Variants in FRMD6 observed in about 807,000 individuals in gnomAD.
FRMD6 encodes FERM domain containing 6, also known as FERM domain-containing protein 6.
Under a neutral mutation model 73.2 loss-of-function variants are expected in FRMD6, and 37 were observed. The ratio of observed to expected loss-of-function variants is 0.51; its 90% CI spans 0.39 to 0.66. The LOEUF (loss-of-function observed/expected upper bound fraction) is 0.66. Ranked by LOEUF, FRMD6 falls within the 30% of genes least tolerant of loss-of-function variation. FRMD6 has a pLI of 0.00. For missense variants in FRMD6, 714 were observed against 780.5 expected, an observed-to-expected ratio of 0.91 and a Z score of 1.02; for synonymous variants, 273 against 282.2, an observed-to-expected ratio of 0.97 and a Z score of 0.33.
chr14:51,592,177 G>A (rs1293840417), intron 2 of FRMD6, among the ~76,000 whole-genome samples: 3 of 152,176 alleles, frequency 2.0e-5, no homozygotes, highest in African/African-American at 7.2e-5. Flanking sequence ...TGTGATCAGA[G>A]AGGAAATTGT....
intron 1 of FRMD6, among the ~76,000 whole-genome samples, chr14:51,543,528 C>G (rs1469124666): frequency 6.6e-6 from 1 of 151,944 alleles, no homozygotes; most frequent in Non-Finnish European, 1.5e-5. Flanking sequence ...CTTTGCTCAT[C>G]AAAAATTTAT....
chr14:51,548,176 T>C (rs1173092583), intron 1 of FRMD6, among the ~76,000 whole-genome samples: 1 of 152,124 alleles, frequency 6.6e-6, no homozygotes, highest in Non-Finnish European at 1.5e-5. Flanking sequence ...GCTAAACAAC[T>C]GTGGCACCAA....
chr14:51,537,820 G>A (rs1478401999), intron 1 of FRMD6, among the ~76,000 whole-genome samples: 1 of 152,098 alleles, frequency 6.6e-6, no homozygotes, highest in East Asian at 1.9e-4. Flanking sequence ...TTGGTGTGGT[G>A]TCTCTTCATC....
chr14:51,705,781 A>G (rs1299449586), intron 6 of FRMD6, among the ~76,000 whole-genome samples: 2 of 152,076 alleles, frequency 1.3e-5, no homozygotes, highest in Non-Finnish European at 2.9e-5. Context: ...CTTTATATCA[A>G]TACAGTAAAG....
At chr14:51,672,056 C>G (rs921596492) in intron 1 of FRMD6, among the ~76,000 whole-genome samples, 40 of 152,186 alleles carry the variant, frequency 2.6e-4, no homozygotes, top group African/African-American at 9.4e-4. Context: ...TGAAGCATTT[C>G]TTCAAAGAAT....
the FRMD6 span, chr14:51,454,891 G>A: frequency 6.6e-6 from 1 of 152,148 alleles, no homozygotes; most frequent in Non-Finnish European, 1.5e-5. Context: ...AGGATCTAAT[G>A]GCACAGGATT....
intron 1 of FRMD6, among the ~76,000 whole-genome samples, chr14:51,539,426 A>G (rs2139360772): frequency 6.6e-6 from 1 of 152,234 alleles, no homozygotes; most frequent in Admixed American, 6.5e-5. Flanking sequence ...TCTCATTATT[A>G]TATTTTTCAA....
At chr14:51,423,059 C>T in the FRMD6 span, among the ~76,000 whole-genome samples, 1 of 152,190 alleles carries the variant, frequency 6.6e-6, no homozygotes, top group African/African-American at 2.4e-5. Flanking sequence ...AGTGGTACGG[C>T]AAGCTGACTT....
chr14:51,546,744 C>G (rs1321733503), intron 1 of FRMD6: 1 of 152,148 alleles, frequency 6.6e-6, no homozygotes, highest in African/African-American at 2.4e-5. Flanking sequence ...ACACTGCTTT[C>G]TCTTGGAACA....
At chr14:51,701,520 A>T (rs1001070709) in intron 4 of FRMD6, among the ~76,000 whole-genome samples, 1 of 146,776 alleles carries the variant, frequency 6.8e-6, no homozygotes, top group African/African-American at 2.5e-5. Context: ...AAAGAAAATT[A>T]TAAGTTCTAA....
intron 2 of FRMD6, among the ~76,000 whole-genome samples, chr14:51,616,403 C>T (rs1281183052): frequency 6.6e-6 from 1 of 152,140 alleles, no homozygotes; most frequent in East Asian, 1.9e-4. Flanking sequence ...TTGAGAACTA[C>T]TGGCTTAGAC....
chr14:51,676,595 A>AAGTTTAAAGT (rs1894408038), intron 1 of FRMD6, among the ~76,000 whole-genome samples: 1 of 152,168 alleles, frequency 6.6e-6, no homozygotes, highest in South Asian at 2.1e-4. Flanking sequence ...TTAAAGTTTA[A>AAGTTTAAAGT]TTATCAGTAT....
chr14:51,667,782 C>T (rs1035165020), intron 1 of FRMD6, among the ~76,000 whole-genome samples: 2 of 152,128 alleles, frequency 1.3e-5, no homozygotes, highest in African/African-American at 4.8e-5. Context: ...GTTATCTCAT[C>T]TAGAATTTAA....
chr14:51,554,134 A>G (rs1886989690), intron 1 of FRMD6, among the ~76,000 whole-genome samples: 1 of 152,176 alleles, frequency 6.6e-6, no homozygotes, highest in Non-Finnish European at 1.5e-5. Context: ...ACTATATTCA[A>G]AGGAACACAG....
chr14:51,726,858 C>G (rs1208432648), intron 13 of FRMD6, among the ~76,000 whole-genome samples: 1 of 152,122 alleles, frequency 6.6e-6, no homozygotes, highest in African/African-American at 2.4e-5. Context: ...GAACTTTTGC[C>G]TCTAGCAAAA....
chr14:51,429,468 AT>A, the FRMD6 span, among the ~76,000 whole-genome samples: 1 of 152,138 alleles, frequency 6.6e-6, no homozygotes, highest in Non-Finnish European at 1.5e-5. Flanking sequence ...TTATCCACAC[AT>A]TACCAAACCA....
chr14:51,638,529 C>G (rs1481891102), intron 2 of FRMD6, among the ~76,000 whole-genome samples: 1 of 152,182 alleles, frequency 6.6e-6, no homozygotes, highest in Non-Finnish European at 1.5e-5. Flanking sequence ...ATTTTACAAC[C>G]TGGCTCCCGC....
At chr14:51,469,352 G>A in the FRMD6 span, among the ~76,000 whole-genome samples, 1 of 149,510 alleles carries the variant, frequency 6.7e-6, no homozygotes, top group East Asian at 2.0e-4. Flanking sequence ...TATGGCTCAC[G>A]CCTGTAATCC....
At chr14:51,552,224 A>G (rs566577001) in intron 1 of FRMD6, among the ~76,000 whole-genome samples, 1 of 152,362 alleles carries the variant, frequency 6.6e-6, no homozygotes, top group African/African-American at 2.4e-5. Context: ...ATTAAGATAG[A>G]TCTTTACTAA....
Sources: gnomAD v4.1 joint callset for allele counts (sites outside exome capture counted in the v4.1 genomes callset) on GRCh38, gnomAD v4.1.1 for gene constraint, MANE v1.5 for transcripts, NCBI Gene and HGNC (gene_info 2026-07-23, HGNC 2026-07-21) for gene names.